CNTNAP2: variants seen among roughly 807,000 people sequenced by gnomAD.
The protein encoded by CNTNAP2 is contactin-associated protein-like 2.
In CNTNAP2, 98 loss-of-function variants were observed where a neutral mutation model predicts 155.2. The observed-to-expected ratio is 0.63, with a 90% CI of 0.54 to 0.75. The LOEUF (loss-of-function observed/expected upper bound fraction) is 0.75, where lower values mean the gene tolerates loss of function less well. Ranked by LOEUF, CNTNAP2 falls within the 30% of genes least tolerant of loss-of-function variation. The pLI is 0.00. For synonymous variants in CNTNAP2, 651 were observed against 631.2 expected, an observed-to-expected ratio of 1.03 and a Z score of -0.47; for missense variants, 1,727 against 1,688.1, an observed-to-expected ratio of 1.02 and a Z score of -0.40.
rs193123785 is a variant in CNTNAP2, at chr7:146,339,686, T to G, written c.97+222713T>G. Among the ~76,000 whole-genome samples, 4 of 152,286 alleles carry G rather than the reference T, an allele frequency of 2.6e-5. No homozygotes were observed. The East Asian group carries it at 7.7e-4, about 29-fold the overall frequency. On this transcript the variant is annotated intron_variant, in intron 1 of 23. Transcript: ENST00000361727. ...ATAACTTAGGTCTATATGGAAATTATGAATAAACAAAAGTAGATGTGAATG... is the reference window on the plus strand; with the variant it reads ...ATAACTTAGGTCTATATGGAAATTAGGAATAAACAAAAGTAGATGTGAATG...
At chr7:147,609,465 A>G (rs1402198720) in intron 12 of CNTNAP2, among the ~76,000 whole-genome samples, 1 of 152,118 alleles carries the variant, frequency 6.6e-6, no homozygotes, top group Non-Finnish European at 1.5e-5. Flanking sequence ...TGGGAGGCGG[A>G]ACTTGCAGTG....
chr7:146,588,771 A>T (rs902774576), intron 1 of CNTNAP2, among the ~76,000 whole-genome samples: 1 of 152,018 alleles, frequency 6.6e-6, no homozygotes, highest in African/African-American at 2.4e-5. Context: ...TGCCTCCCAA[A>T]ATGCTGGGGT....
In CNTNAP2 at chr7:147,981,012, C is replaced by T. The variant is rs1054845010; in HGVS notation, c.2383+3023C>T. 7.3e-5 allele frequency among the ~76,000 whole-genome samples: 11 copies of T among 151,698 alleles called. No individual in the cohort carries two copies. In the East Asian group the frequency reaches 1.9e-3, roughly 27 times the overall value. ...GAGTGTTCCGTATCAACTGCATTTT[C>T]CAGTTTTTATACATATGTGATCTCC... On this transcript the variant is annotated intron_variant, in intron 15 of 23. Coordinates refer to ENST00000361727, the MANE Select transcript of CNTNAP2 (RefSeq NM_014141.6).
At chr7:146,742,959 T>TA (rs1035182529) in intron 1 of CNTNAP2, among the ~76,000 whole-genome samples, 1 of 152,062 alleles carries the variant, frequency 6.6e-6, no homozygotes. Context: ...TTCATTTTTT[T>TA]AAAAAAAGTA....
chr7:148,066,336 A>T (rs1034059804), intron 15 of CNTNAP2, among the ~76,000 whole-genome samples: 2 of 152,150 alleles, frequency 1.3e-5, no homozygotes, highest in Admixed American at 1.3e-4. Flanking sequence ...GATCTCTAAC[A>T]AGGCCAGGGA....
chr7:147,148,314 C>T lies in CNTNAP2; in HGVS notation c.1348+15805C>T, dbSNP rs796411747. ...CTGAGGCAGGAGAATGGCGTGAACC[C>T]GGGAGGCGGAGCTTGCAGTGAGCCG... On this transcript the variant is annotated intron_variant, in intron 8 of 23. Coordinates refer to ENST00000361727, the MANE Select transcript of CNTNAP2 (RefSeq NM_014141.6). Among the ~76,000 whole-genome samples the T allele has an allele frequency of 4.1e-3, 593 of 144,072 alleles. 5 individuals are homozygous for T. The highest frequency in any genetic ancestry group is 0.014 in the African/African-American group (564 of 38,928). The allele number at this position is 144,072 out of a possible 152,430, so 94.5% of individuals were successfully genotyped here.
chr7:146,135,676 T>C (rs890684050), intron 1 of CNTNAP2, among the ~76,000 whole-genome samples: 2 of 152,178 alleles, frequency 1.3e-5, no homozygotes, highest in African/African-American at 4.8e-5. Flanking sequence ...TATTTTTACC[T>C]ACCTTAGTAA....
intron 9 of CNTNAP2, among the ~76,000 whole-genome samples, chr7:147,368,266 G>A (rs998772574): frequency 2.2e-4 from 33 of 151,836 alleles, no homozygotes; most frequent in African/African-American, 7.5e-4. Flanking sequence ...CAGGTTCAGG[G>A]TCATTCTGGA....
At chr7:148,318,345 C>CTTG (rs1797729129) in intron 21 of CNTNAP2, among the ~76,000 whole-genome samples, 2 of 152,300 alleles carry the variant, frequency 1.3e-5, no homozygotes, top group South Asian at 4.1e-4. Flanking sequence ...ATGTTCACAC[C>CTTG]CTTCAATGTG....
chr7:148,415,640 T>C lies in CNTNAP2; in HGVS notation c.*24T>C, dbSNP rs368707009. 7.4e-6 allele frequency: 12 copies of C among 1,612,204 alleles called. No individual in the cohort carries two copies. Among genetic ancestry groups the C allele is most frequent in the Non-Finnish European group, 9.3e-6 (11 of 1,179,748 alleles). On this transcript the variant is annotated 3_prime_UTR_variant, in exon 24 of 24. Coordinates refer to ENST00000361727, the MANE Select transcript of CNTNAP2 (RefSeq NM_014141.6). ...GAGGGGTGGCTACTTGGCTATGGGA[T>C]AGGGAGGAGGGAATTACTAGGGAGG...
In CNTNAP2 at chr7:147,141,677, A is replaced by T. The variant is rs559487994; in HGVS notation, c.1348+9168A>T. Among the ~76,000 whole-genome samples, 345 of 152,226 alleles carry T rather than the reference A, an allele frequency of 2.3e-3. 2 individuals are homozygous for T. Among genetic ancestry groups the T allele is most frequent in the African/African-American group, 8.0e-3 (333 of 41,546 alleles). On this transcript the variant is annotated intron_variant, in intron 8 of 23. Coordinates refer to ENST00000361727, the MANE Select transcript of CNTNAP2 (RefSeq NM_014141.6). ...TCACTAACCTTGGCCACTACCTCTC[A>T]TATTCATGAAACACTTTGGTGTTAC...
chr7:147,395,625 G>T lies in CNTNAP2; in HGVS notation c.1515G>T (p.Met505Ile), dbSNP rs372161542. 6.2e-7 allele frequency: 1 copy of T among 1,611,982 alleles called. No homozygotes were observed. The highest frequency in any genetic ancestry group is 1.1e-5 in the South Asian group (1 of 90,976). Residue 505 changes from methionine (M) to isoleucine (I), a missense_variant, in exon 10 of 24, where the codon ATG becomes ATT. Transcript: ENST00000361727. ...KYFFGGFLNQ[M>I]NNSSHSVLQP... Reference sequence around the variant, plus strand: ...GTTTCACAGGTTTTCTGAACCAGATGAATAACTCAAGTCACTCTGTCCTTC... The same window carrying T: ...GTTTCACAGGTTTTCTGAACCAGATTAATAACTCAAGTCACTCTGTCCTTC...
chr7:146,168,808 C>T (rs1798349337), intron 1 of CNTNAP2, among the ~76,000 whole-genome samples: 1 of 152,148 alleles, frequency 6.6e-6, no homozygotes. Context: ...CCAGAATGAC[C>T]CCTTAAGTAA....
chr7:147,329,150 A>C (rs1002878627), intron 9 of CNTNAP2, among the ~76,000 whole-genome samples: 22 of 151,700 alleles, frequency 1.5e-4, no homozygotes, highest in Non-Finnish European at 3.2e-4. Flanking sequence ...CCCCCCACAC[A>C]CACACACACC....
intron 1 of CNTNAP2, among the ~76,000 whole-genome samples, chr7:146,566,579 C>G (rs945298844): frequency 1.3e-5 from 2 of 152,026 alleles, no homozygotes; most frequent in Admixed American, 6.6e-5. Flanking sequence ...CGCCTGTAGT[C>G]CCAGCTACTG....
intron 1 of CNTNAP2, among the ~76,000 whole-genome samples, chr7:146,486,105 C>T (rs1797054115): frequency 8.1e-6 from 1 of 123,436 alleles, no homozygotes; most frequent in Non-Finnish European, 1.6e-5. Context: ...CGCTGTGTCG[C>T]CCAGGCTGGA....
At chr7:147,633,657 T>C (rs1414689702) in intron 12 of CNTNAP2, among the ~76,000 whole-genome samples, 2 of 151,828 alleles carry the variant, frequency 1.3e-5, no homozygotes, top group Non-Finnish European at 2.9e-5. Context: ...TGGAGGCAGT[T>C]TCCCCACATC....
intron 3 of CNTNAP2, among the ~76,000 whole-genome samples, chr7:146,968,225 C>T (rs370824074): frequency 0.039 from 5,840 of 148,296 alleles, 129 homozygotes; most frequent in South Asian, 0.076. Flanking sequence ...TATTTTATTG[C>T]GGATTTTTGC....
chr7:147,118,417 T>C (rs1317505131), intron 5 of CNTNAP2, among the ~76,000 whole-genome samples: 1 of 152,230 alleles, frequency 6.6e-6, no homozygotes, highest in Non-Finnish European at 1.5e-5. Context: ...GTTGATAGCA[T>C]TTAAAATGTG....
Sources: allele counts gnomAD v4.1 joint callset (sites outside exome capture counted in the v4.1 genomes callset), GRCh38; gene constraint gnomAD v4.1.1; transcripts MANE v1.5; gene names NCBI Gene and HGNC (gene_info 2026-07-23, HGNC 2026-07-21).